The following OPRM1 variants were observed in gnomAD, a reference collection of about 807,000 sequenced individuals.
OPRM1 encodes the protein mu-type opioid receptor.
In OPRM1, 27 loss-of-function variants were observed where a neutral mutation model predicts 31.8. The observed-to-expected ratio is 0.85, with a 90% confidence interval of 0.63 to 1.17. The LOEUF is 1.17. Among genes scored for constraint, OPRM1 ranks in the 50% most tolerant of loss-of-function variants. The pLI, the probability that OPRM1 is intolerant of heterozygous loss-of-function variation, is 0.00. For missense variants in OPRM1, 536 were observed against 511.1 expected, an observed-to-expected ratio of 1.05 and a Z score of -0.47; for synonymous variants, 196 against 189.9, an observed-to-expected ratio of 1.03 and a Z score of -0.26.
chr6:154,152,347 G>GAAAGAAAAGAAAGAAAGAAAGAAAGAAA, intron 3 of OPRM1, among the ~76,000 whole-genome samples: 46 of 65,202 alleles, frequency 7.1e-4, no homozygotes, highest in South Asian at 3.8e-3. Flanking sequence ...AAGAAAGAAA[G>GAAAGAAAAGAAAGAAAGAAAGAAAGAAA]GAAAGAAAGA....
chr6:154,065,874 T>C lies in OPRM1; in HGVS notation c.291-23952T>C, dbSNP rs372500654. Among the ~76,000 whole-genome samples, 45 of 152,350 alleles carry C rather than the reference T, an allele frequency of 3.0e-4. 2 individuals carry two copies. In the South Asian group the frequency reaches 9.3e-3, roughly 32 times the overall value. Reference sequence around the variant, plus strand: ...ATATTAGAGAAAAAGCTTTCAGCCTTTCAACATTGAGTATGATCTCTGCTG... The same window carrying C: ...ATATTAGAGAAAAAGCTTTCAGCCTCTCAACATTGAGTATGATCTCTGCTG... On this transcript the variant is annotated intron_variant, in intron 1 of 3. Transcript: ENST00000330432.
chr6:154,055,713 A>T (rs938104326), intron 1 of OPRM1, among the ~76,000 whole-genome samples: 2 of 152,178 alleles, frequency 1.3e-5, no homozygotes, highest in African/African-American at 4.8e-5. Flanking sequence ...GGACATGATG[A>T]TGTGAAGAAA....
At chr6:154,087,708 C>A in intron 1 of OPRM1, 1 of 475,660 alleles carries the variant, frequency 2.1e-6, no homozygotes, top group Non-Finnish European at 2.7e-6. Context: ...GTCTTCACGC[C>A]CTGGACTGGT....
At chr6:154,146,895 G>A (rs866173288) in intron 3 of OPRM1, among the ~76,000 whole-genome samples, 2 of 152,180 alleles carry the variant, frequency 1.3e-5, no homozygotes, top group African/African-American at 4.8e-5. Context: ...CATTGGGAAA[G>A]GAGGGTGGGG....
At chr6:154,108,277 C>T (rs1795907190) in intron 3 of OPRM1, 1 of 335,890 alleles carries the variant, frequency 3.0e-6, no homozygotes, top group Non-Finnish European at 5.3e-6. Flanking sequence ...TGGGTTCCAT[C>T]ATCTTTAATC....
At chr6:154,060,095 G>A (rs1784091258) in intron 1 of OPRM1, among the ~76,000 whole-genome samples, 1 of 152,088 alleles carries the variant, frequency 6.6e-6, no homozygotes, top group Non-Finnish European at 1.5e-5. Context: ...TCTAGAAGAG[G>A]AATTAAATCT....
At chr6:154,134,740 T>C (rs140535184), downstream of OPRM1, among the ~76,000 whole-genome samples, 319 of 152,314 alleles carry the variant, frequency 2.1e-3, 1 homozygote, top group South Asian at 0.013. Flanking sequence ...TTGCAGATAG[T>C]TCTCTTCGAG....
chr6:154,050,309 G>A (rs1465800949), intron 1 of OPRM1, among the ~76,000 whole-genome samples: 1 of 152,174 alleles, frequency 6.6e-6, no homozygotes, highest in Admixed American at 6.5e-5. Context: ...TGTTGCAGCA[G>A]CACTGTCTAC....
intron 3 of OPRM1, among the ~76,000 whole-genome samples, chr6:154,214,742 T>TA (rs1318159435): frequency 1.3e-5 from 2 of 152,098 alleles, no homozygotes; most frequent in African/African-American, 2.4e-5. Flanking sequence ...TGTCAATCAG[T>TA]AAAAAAAATC....
intron 1 of OPRM1, among the ~76,000 whole-genome samples, chr6:154,026,586 G>A (rs148210811): frequency 0.013 from 1,927 of 152,148 alleles, 11 homozygotes; most frequent in Non-Finnish European, 0.019. Context: ...TTGCCCATTT[G>A]AGGGCTGTTT....
chr6:154,143,091 A>AT lies in OPRM1; in HGVS notation c.1164+51619_1164+51620insT, dbSNP rs78035653. Among the ~76,000 whole-genome samples, 26 of 151,914 alleles carry AT rather than the reference A, an allele frequency of 1.7e-4. No individual in the cohort carries two copies. In the East Asian group the frequency reaches 3.7e-3, roughly 21 times the overall value. On this transcript the variant is annotated intron_variant, in intron 3 of 3. Coordinates refer to the OPRM1 transcript ENST00000337049. The stretch of plus-strand genomic sequence containing the variant: ...AGAGTCTCATTTCTAATATATATAT[A>AT]AAAAAAGGTCACTAACATAGACATA...
At position 154,089,825 on chromosome 6, in the gene OPRM1, G is replaced by A. The variant is rs780414711; in HGVS notation, c.291-1G>A. 1 of 1,606,820 alleles carries A rather than the reference G, an allele frequency of 6.2e-7. No homozygotes were observed. Among genetic ancestry groups the A allele is most frequent in the South Asian group, 1.1e-5 (1 of 90,330 alleles). ...CTCACTCTTCTTCCTTTATCTCCTA[G>A]ATACACCAAGATGAAGACTGCCACC... On this transcript the variant is annotated splice_acceptor_variant, in intron 1 of 3. Transcript: ENST00000330432. LOFTEE classifies it high-confidence loss of function.
In OPRM1 at chr6:154,123,090, G is replaced by T. The variant is rs1438397066; in HGVS notation, c.*4369G>T. On this transcript the variant is annotated 3_prime_UTR_variant, in exon 4 of 4. Transcript: ENST00000330432. ...GCCCAAGTGGGTTGCTGTTTTTACA[G>T]CTGAATCCAAAAGCTTTTATAAGAA... Among the ~76,000 whole-genome samples, 1 of 152,160 alleles carries T rather than the reference G, an allele frequency of 6.6e-6. No homozygotes were observed. Among genetic ancestry groups the T allele is most frequent in the Non-Finnish European group, 1.5e-5 (1 of 68,028 alleles).
At chr6:154,022,530 T>G (rs543211906) in intron 1 of OPRM1, among the ~76,000 whole-genome samples, 1 of 140,494 alleles carries the variant, frequency 7.1e-6, no homozygotes, top group Admixed American at 6.7e-5. Flanking sequence ...TGATTGTTTA[T>G]TTTGCTGTGA....
chr6:154,069,647 T>G (rs1786222264), intron 1 of OPRM1, among the ~76,000 whole-genome samples: 1 of 152,228 alleles, frequency 6.6e-6, no homozygotes, highest in African/African-American at 2.4e-5. Flanking sequence ...GTCTTACATT[T>G]AAGTTGCTAA....
intron 1 of OPRM1, among the ~76,000 whole-genome samples, chr6:154,017,821 A>T (rs41462348): frequency 2.5e-4 from 38 of 152,256 alleles, no homozygotes; most frequent in African/African-American, 8.9e-4. Flanking sequence ...TCAATCAAAA[A>T]GTCAAATAAG....
rs368225643 is a variant in OPRM1, at chr6:154,219,938, G to A, written c.1165-26755G>A. ...GCTGGGGAGGTGAGGATAGGGGACA[G>A]ATGAGAGTCCTTCTAGCTGGACAGA... On this transcript the variant is annotated intron_variant, in intron 3 of 3. Coordinates refer to the OPRM1 transcript ENST00000337049. Among the ~76,000 whole-genome samples the A allele has an allele frequency of 3.5e-4, 53 of 152,020 alleles. 1 individual carries two copies. The South Asian group carries it at 0.011, about 31-fold the overall frequency.
At chr6:154,211,319 G>A (rs1777943895) in intron 3 of OPRM1, among the ~76,000 whole-genome samples, 1 of 151,872 alleles carries the variant, frequency 6.6e-6, no homozygotes, top group Non-Finnish European at 1.5e-5. Context: ...TGAGGCAGGA[G>A]AATGGTGTGA....
At chr6:154,096,037 T>G (rs1056757451) in intron 3 of OPRM1, among the ~76,000 whole-genome samples, 2 of 152,080 alleles carry the variant, frequency 1.3e-5, no homozygotes, top group African/African-American at 4.8e-5. Context: ...TTTCTTTTTG[T>G]TGTTATTGTT....
Sources: allele counts gnomAD v4.1 joint callset (sites outside exome capture counted in the v4.1 genomes callset), GRCh38; gene constraint gnomAD v4.1.1; transcripts MANE v1.5; gene names NCBI Gene and HGNC (gene_info 2026-07-23, HGNC 2026-07-21).